The following ATRNL1 variants were observed in gnomAD, a reference collection of about 807,000 sequenced individuals.
ATRNL1 encodes attractin-like protein 1.
ATRNL1 carries 95 observed loss-of-function variants against 182.7 expected under a neutral mutation model. The observed-to-expected ratio is 0.52, with a 90% CI of 0.44 to 0.62. The LOEUF (loss-of-function observed/expected upper bound fraction) is 0.62. Among genes scored for constraint, ATRNL1 ranks in the 20% least tolerant of loss-of-function variants. The pLI is 0.00. For missense variants in ATRNL1, 1,471 were observed against 1,679.5 expected (o/e 0.88, Z 2.17); for synonymous variants, 576 against 568.3 (o/e 1.01, Z -0.19).
chr10:115,639,736 G>A (rs1555029552), intron 26 of ATRNL1, among the ~76,000 whole-genome samples: 1 of 152,000 alleles, frequency 6.6e-6, no homozygotes. Context: ...CCTAAAGTAT[G>A]TTAAAGTAGT....
intron 26 of ATRNL1, among the ~76,000 whole-genome samples, chr10:115,706,545 G>A (rs1946904747): frequency 6.6e-6 from 1 of 151,826 alleles, no homozygotes. Context: ...ACTTTTATCT[G>A]CCACAGCTTT....
At chr10:115,388,006 A>G (rs1164652193) in intron 19 of ATRNL1, among the ~76,000 whole-genome samples, 5 of 152,146 alleles carry the variant, frequency 3.3e-5, no homozygotes, top group Admixed American at 3.3e-4. Context: ...ACTTTGTGTA[A>G]GGTACTGATG....
intron 26 of ATRNL1, among the ~76,000 whole-genome samples, chr10:115,657,009 A>G (rs1022136151): frequency 1.3e-5 from 2 of 152,176 alleles, no homozygotes; most frequent in South Asian, 2.1e-4. Context: ...GAAATATACC[A>G]GAGGAAATTA....
intron 27 of ATRNL1, among the ~76,000 whole-genome samples, chr10:115,740,394 G>A (rs889473857): frequency 6.6e-6 from 1 of 152,172 alleles, no homozygotes; most frequent in African/African-American, 2.4e-5. Flanking sequence ...AGAAAGTTGG[G>A]TGCAGCAGCA....
At chr10:115,337,740 G>A (rs557645821) in intron 19 of ATRNL1, among the ~76,000 whole-genome samples, 31 of 152,038 alleles carry the variant, frequency 2.0e-4, no homozygotes, top group African/African-American at 7.2e-4. Flanking sequence ...TCTTTTTTAT[G>A]GATGAATGCC....
intron 27 of ATRNL1, among the ~76,000 whole-genome samples, chr10:115,791,132 C>G (rs1288544901): frequency 3.9e-5 from 6 of 152,240 alleles, no homozygotes; most frequent in African/African-American, 1.4e-4. Flanking sequence ...TCCCCCAGGT[C>G]CACATAGCTT....
chr10:115,491,796 A>G (rs190680260), intron 24 of ATRNL1, among the ~76,000 whole-genome samples: 1 of 152,158 alleles, frequency 6.6e-6, no homozygotes, highest in African/African-American at 2.4e-5. Flanking sequence ...CTGGGATATG[A>G]AAAAGAACTC....
intron 19 of ATRNL1, among the ~76,000 whole-genome samples, chr10:115,392,485 T>C (rs955507518): frequency 6.6e-6 from 1 of 152,176 alleles, no homozygotes; most frequent in East Asian, 1.9e-4. Context: ...ACTCTGAACA[T>C]ATTTTGAAGC....
At chr10:115,561,511 G>C (rs1853705936) in intron 26 of ATRNL1, among the ~76,000 whole-genome samples, 1 of 152,030 alleles carries the variant, frequency 6.6e-6, no homozygotes, top group Non-Finnish European at 1.5e-5. Flanking sequence ...ATTGTATTGG[G>C]CACTATAAGT....
intron 28 of ATRNL1, among the ~76,000 whole-genome samples, chr10:115,926,503 A>G (rs1031487895): frequency 2.0e-5 from 3 of 152,126 alleles, no homozygotes; most frequent in African/African-American, 4.8e-5. Context: ...AACAAAATAG[A>G]TAGACCATAA....
At chr10:115,555,393 A>G (rs1413419317) in intron 26 of ATRNL1, among the ~76,000 whole-genome samples, 1 of 151,884 alleles carries the variant, frequency 6.6e-6, no homozygotes, top group Non-Finnish European at 1.5e-5. Flanking sequence ...TTCAAAGTAT[A>G]CTCATATATA....
At chr10:115,539,420 G>A (rs1461846328) in intron 25 of ATRNL1, among the ~76,000 whole-genome samples, 1 of 152,170 alleles carries the variant, frequency 6.6e-6, no homozygotes, top group African/African-American at 2.4e-5. Context: ...CAGCTATTTG[G>A]TATATGATAT....
intron 8 of ATRNL1, among the ~76,000 whole-genome samples, chr10:115,194,391 T>A (rs1365773131): frequency 6.6e-6 from 1 of 151,984 alleles, no homozygotes; most frequent in Non-Finnish European, 1.5e-5. Context: ...ACATATAGAT[T>A]TACAATTGTT....
At chr10:115,149,071 G>A (rs984044471) in intron 5 of ATRNL1, among the ~76,000 whole-genome samples, 2 of 152,042 alleles carry the variant, frequency 1.3e-5, no homozygotes, top group Non-Finnish European at 2.9e-5. Context: ...TGGAGGCGGT[G>A]TCTGATTTAC....
chr10:115,275,720 C>A (rs1554914633), intron 13 of ATRNL1, among the ~76,000 whole-genome samples: 1 of 152,174 alleles, frequency 6.6e-6, no homozygotes, highest in East Asian at 1.9e-4. Context: ...GCTCCCCTCC[C>A]AAGTTTATTC....
chr10:115,708,738 T>G (rs1180242064), intron 26 of ATRNL1, among the ~76,000 whole-genome samples: 1 of 151,752 alleles, frequency 6.6e-6, no homozygotes, highest in Non-Finnish European at 1.5e-5. Context: ...AGCTGAAATG[T>G]TAGCAAGAAA....
At chr10:115,416,071 A>G (rs782256266) in intron 20 of ATRNL1, among the ~76,000 whole-genome samples, 3 of 152,082 alleles carry the variant, frequency 2.0e-5, no homozygotes, top group Non-Finnish European at 4.4e-5. Flanking sequence ...CAACTTTTCT[A>G]GCTCCTATAA....
In ATRNL1 at chr10:115,267,081, A is replaced by G. The variant is rs576612555; in HGVS notation, c.1981+76A>G. The G allele has an allele frequency of 3.9e-6, 4 of 1,029,556 alleles. No individual in the cohort carries two copies. The East Asian group carries it at 7.2e-5, about 18-fold the overall frequency. 63.8% of individuals were successfully genotyped at this position (1,029,556 alleles called of 1,614,324 possible). On this transcript the variant is annotated intron_variant, in intron 12 of 28. Transcript: ENST00000355044. ...AGAAGTAGAAATATCTTCTGCTTAT[A>G]AGAATTACTTTAGTAGCTACAGAAA...
intron 21 of ATRNL1, among the ~76,000 whole-genome samples, chr10:115,445,746 T>C (rs1464681899): frequency 1.8e-5 from 2 of 108,864 alleles, no homozygotes; most frequent in Non-Finnish European, 3.9e-5. Flanking sequence ...GAAAGAAAGC[T>C]GTACATGTCA....
Sources: allele counts gnomAD v4.1 joint callset (sites outside exome capture counted in the v4.1 genomes callset), GRCh38; gene constraint gnomAD v4.1.1; transcripts MANE v1.5; gene names NCBI Gene and HGNC (gene_info 2026-07-23, HGNC 2026-07-21).